Variants in TRDN observed in about 807,000 individuals in gnomAD.
TRDN encodes triadin.
TRDN carries 161 observed loss-of-function variants against 149.7 expected under a neutral mutation model. The ratio of observed to expected loss-of-function variants is 1.08; its 90% CI spans 0.95 to 1.23. TRDN has a LOEUF of 1.23. TRDN is among the 50% of genes most tolerant of loss of function. The pLI is 0.00. For missense variants in TRDN, 896 were observed against 823.5 expected (o/e 1.09, Z -1.08); for synonymous variants, 294 against 250.5 (o/e 1.17, Z -1.64).
At chr6:123,636,647 A>G in intron 1 of TRDN, 107 bp downstream of exon 1, 1 of 1,329,240 alleles carries the variant, frequency 7.5e-7, no homozygotes, top group Non-Finnish European at 1.1e-6. Flanking sequence ...TGACCAAGGC[A>G]ATTACCTTAA....
intron 23 of TRDN, among the ~76,000 whole-genome samples, chr6:123,318,154 A>T (rs1158098043): frequency 6.6e-6 from 1 of 151,918 alleles, no homozygotes; most frequent in Non-Finnish European, 1.5e-5. Context: ...GTGAGTTCTG[A>T]TGAGATTTTG....
chr6:123,245,894 AT>A (rs1184967736), intron 38 of TRDN, among the ~76,000 whole-genome samples: 2 of 152,254 alleles, frequency 1.3e-5, no homozygotes, highest in Non-Finnish European at 2.9e-5. Context: ...AGTCACTCAG[AT>A]CACAGTGCAA....
intron 19 of TRDN, among the ~76,000 whole-genome samples, chr6:123,371,175 T>C (rs542552990): frequency 6.6e-6 from 1 of 152,252 alleles, no homozygotes; most frequent in Admixed American, 6.5e-5. Flanking sequence ...AAAGAAACTA[T>C]GCCATGTTTT....
intron 4 of TRDN, among the ~76,000 whole-genome samples, chr6:123,535,689 AGAG>A (rs1780493084): frequency 6.6e-6 from 1 of 152,200 alleles, no homozygotes; most frequent in South Asian, 2.1e-4. Flanking sequence ...AATGCCAAAC[AGAG>A]GAGGAGTTAT....
At chr6:123,411,402 C>G (rs1286718936) in intron 12 of TRDN, among the ~76,000 whole-genome samples, 1 of 152,032 alleles carries the variant, frequency 6.6e-6, no homozygotes, top group Admixed American at 6.6e-5. Flanking sequence ...CTTCAAGCAA[C>G]AGGATGAGTG....
In TRDN at chr6:123,512,386, G is replaced by A. The variant is rs770806927; in HGVS notation, c.551-24C>T. ...TGCTTAAACAGAAAATTTTACATTA[G>A]TACACATTTTTAATAGATTTCAAAA... On this transcript the variant is annotated intron_variant, in intron 6 of 40. Coordinates refer to ENST00000334268, the MANE Select transcript of TRDN (RefSeq NM_006073.4). 93 of 1,358,860 alleles carry A rather than the reference G, an allele frequency of 6.8e-5. No individual in the cohort carries two copies. The African/African-American group carries it at 1.3e-3, about 19-fold the overall frequency. 84.2% of individuals were successfully genotyped at this position (1,358,860 alleles called of 1,614,324 possible). A position where few individuals can be genotyped will look rare whatever the true frequency, so the allele number is the denominator to read the frequency against.
At chr6:123,287,492 G>T (rs1307379583) in intron 24 of TRDN, among the ~76,000 whole-genome samples, 1 of 152,082 alleles carries the variant, frequency 6.6e-6, no homozygotes, top group Non-Finnish European at 1.5e-5. Context: ...AACCGTAGTT[G>T]CTTTTTTTAA....
At chr6:123,505,602 T>C (rs780706163) in intron 7 of TRDN, among the ~76,000 whole-genome samples, 4 of 152,220 alleles carry the variant, frequency 2.6e-5, no homozygotes, top group African/African-American at 7.2e-5. Flanking sequence ...AAAGCTGAAG[T>C]GTATTGAGAA....
chr6:123,463,024 G>A (rs561852379), intron 10 of TRDN: 1 of 152,134 alleles, frequency 6.6e-6, no homozygotes. Flanking sequence ...ACTAGGTTCT[G>A]GGATGAACTG....
chr6:123,446,584 C>CAAAAAAAAA (rs572029827), intron 10 of TRDN, among the ~76,000 whole-genome samples: 7 of 61,086 alleles, frequency 1.1e-4, no homozygotes, highest in East Asian at 6.7e-4. Flanking sequence ...GATTCCATCT[C>CAAAAAAAAA]AAAAAAAAAA....
At chr6:123,536,091 A>C (rs114494659) in intron 4 of TRDN, among the ~76,000 whole-genome samples, 1,870 of 152,260 alleles carry the variant, frequency 0.012, 18 homozygotes, top group Admixed American at 0.02. Context: ...AGATAGGATT[A>C]TATGGGGATT....
chr6:123,536,020 T>C (rs1380600329), intron 4 of TRDN, among the ~76,000 whole-genome samples: 1 of 152,168 alleles, frequency 6.6e-6, no homozygotes, highest in Non-Finnish European at 1.5e-5. Context: ...ATTTCCATAC[T>C]TACTAGCTGT....
chr6:123,417,912 T>C (rs1773723729), intron 12 of TRDN, among the ~76,000 whole-genome samples: 1 of 152,188 alleles, frequency 6.6e-6, no homozygotes, highest in African/African-American at 2.4e-5. Context: ...GCTGCTTTTG[T>C]TAAGCAAAGA....
chr6:123,327,352 C>T (rs1029828531), intron 23 of TRDN, among the ~76,000 whole-genome samples: 1 of 151,846 alleles, frequency 6.6e-6, no homozygotes, highest in Non-Finnish European at 1.5e-5. Flanking sequence ...TATTTTTGTC[C>T]TTTCAAGTTT....
chr6:123,240,718 T>C (rs749947652), intron 38 of TRDN, among the ~76,000 whole-genome samples: 61 of 152,016 alleles, frequency 4.0e-4, no homozygotes, highest in Non-Finnish European at 8.0e-4. Flanking sequence ...TATAACTACA[T>C]CCGAATTAGA....
intron 4 of TRDN, among the ~76,000 whole-genome samples, chr6:123,536,186 C>T (rs1244311768): frequency 6.6e-6 from 1 of 152,126 alleles, no homozygotes; most frequent in Non-Finnish European, 1.5e-5. Context: ...TATTATTTGT[C>T]TCTCTCACTA....
At chr6:123,531,608 T>C (rs1780258150) in intron 4 of TRDN, among the ~76,000 whole-genome samples, 1 of 152,066 alleles carries the variant, frequency 6.6e-6, no homozygotes, top group African/African-American at 2.4e-5. Flanking sequence ...ATTTACAGGG[T>C]CACTAATCTA....
At chr6:123,502,850 C>G in intron 8 of TRDN, 3 of 985,218 alleles carry the variant, frequency 3.0e-6, no homozygotes, top group Non-Finnish European at 3.6e-6. Context: ...CATGTTAGAT[C>G]CCCGTATTCT....
At chr6:123,575,651 C>G (rs1782815850) in intron 1 of TRDN, among the ~76,000 whole-genome samples, 1 of 151,926 alleles carries the variant, frequency 6.6e-6, no homozygotes. Flanking sequence ...CAGAATCAGC[C>G]TCAAAAGAAG....
Sources: gnomAD v4.1 joint callset for allele counts (sites outside exome capture counted in the v4.1 genomes callset) on GRCh38, gnomAD v4.1.1 for gene constraint, MANE v1.5 for transcripts, NCBI Gene and HGNC (gene_info 2026-07-23, HGNC 2026-07-21) for gene names.